MLLT10: variants seen among roughly 807,000 people sequenced by gnomAD.
MLLT10 encodes MLLT10 histone lysine methyltransferase DOT1L cofactor.
Under a neutral mutation model 129.1 loss-of-function variants are expected in MLLT10, and 30 were observed. The observed-to-expected ratio is 0.23, with a 90% CI of 0.17 to 0.32. The LOEUF is 0.32. Among genes scored for constraint, MLLT10 ranks in the 10% least tolerant of loss-of-function variants. The probability of loss-of-function intolerance (pLI) is 1.00; values close to 1 mark genes in which losing one functional copy is unlikely to be tolerated. For missense variants in MLLT10, 1,119 were observed against 1,268.3 expected, an observed-to-expected ratio of 0.88 and a Z score of 1.79; for synonymous variants, 490 against 446.4, an observed-to-expected ratio of 1.10 and a Z score of -1.23.
intron 5 of MLLT10, among the ~76,000 whole-genome samples, chr10:21,609,542 T>C (rs1249108189): frequency 3.9e-5 from 6 of 152,180 alleles, no homozygotes; most frequent in African/African-American, 9.7e-5. Context: ...TTTCTCCCCA[T>C]TGGGTGCAGC....
intron 11 of MLLT10, among the ~76,000 whole-genome samples, chr10:21,674,170 A>G (rs1391681081): frequency 6.6e-6 from 1 of 152,116 alleles, no homozygotes; most frequent in African/African-American, 2.4e-5. Flanking sequence ...AGGCTAAACA[A>G]TCTATTGGTC....
chr10:21,645,970 C>T (rs563163088), intron 8 of MLLT10, among the ~76,000 whole-genome samples: 6 of 152,134 alleles, frequency 3.9e-5, no homozygotes, highest in Admixed American at 2.0e-4. Flanking sequence ...TTTGGGAGGC[C>T]GAGGCAGGCA....
At chr10:21,589,448 T>C (rs1277033606) in intron 4 of MLLT10, among the ~76,000 whole-genome samples, 1 of 151,962 alleles carries the variant, frequency 6.6e-6, no homozygotes, top group Non-Finnish European at 1.5e-5. Context: ...CTGCCTCAGC[T>C]TTGAGAGTGT....
intron 3 of MLLT10, among the ~76,000 whole-genome samples, chr10:21,577,492 C>G (rs1165528386): frequency 1.5e-5 from 2 of 136,574 alleles, no homozygotes. Flanking sequence ...AGACGGAAGT[C>G]TCCCTCTGTT....
At chr10:21,561,703 C>T (rs981676225) in intron 3 of MLLT10, among the ~76,000 whole-genome samples, 1 of 152,240 alleles carries the variant, frequency 6.6e-6, no homozygotes, top group Non-Finnish European at 1.5e-5. Context: ...CTCTTTCCCA[C>T]TGAATGATAC....
At chr10:21,738,334 C>T in intron 21 of MLLT10, 3 of 1,139,332 alleles carry the variant, frequency 2.6e-6, no homozygotes, top group Non-Finnish European at 2.3e-6. Flanking sequence ...GTTGCCTCAT[C>T]TTAATATGAG....
At chr10:21,599,218 T>C (rs1589158672) in intron 5 of MLLT10, among the ~76,000 whole-genome samples, 1 of 149,630 alleles carries the variant, frequency 6.7e-6, no homozygotes, top group African/African-American at 2.5e-5. Flanking sequence ...AGTGGACGCC[T>C]GTAATCCCAG....
intron 16 of MLLT10, among the ~76,000 whole-genome samples, chr10:21,728,753 C>T (rs1268628567): frequency 2.0e-5 from 3 of 151,866 alleles, no homozygotes; most frequent in Non-Finnish European, 2.9e-5. Flanking sequence ...TTTGGTCAGG[C>T]GTGGTGGCTC....
chr10:21,626,034 T>G, intron 8 of MLLT10: 1 of 1,277,216 alleles, frequency 7.8e-7, no homozygotes, highest in Non-Finnish European at 1.1e-6. Flanking sequence ...ACATTCAGAG[T>G]ATAATCATTT....
chr10:21,648,532 C>T (rs1012079625), intron 8 of MLLT10, among the ~76,000 whole-genome samples: 1 of 151,982 alleles, frequency 6.6e-6, no homozygotes, highest in African/African-American at 2.4e-5. Context: ...AGAACAAAGC[C>T]CAGAATGGGA....
At chr10:21,591,163 T>G (rs1295631942) in intron 4 of MLLT10, among the ~76,000 whole-genome samples, 1 of 152,184 alleles carries the variant, frequency 6.6e-6, no homozygotes, top group Non-Finnish European at 1.5e-5. Flanking sequence ...GTTCAAGCGA[T>G]CCTCCTACCT....
chr10:21,690,093 T>G (rs1244033544), intron 13 of MLLT10, among the ~76,000 whole-genome samples: 2 of 152,008 alleles, frequency 1.3e-5, no homozygotes, highest in Non-Finnish European at 2.9e-5. Context: ...GGGTAGTAAC[T>G]GAAACTCTGA....
intron 3 of MLLT10, chr10:21,556,531 T>A (rs2130978324): frequency 7.0e-6 from 5 of 709,374 alleles, no homozygotes; most frequent in Non-Finnish European, 1.1e-5. Context: ...GAGTGTAGAT[T>A]TCTTCCATTT....
chr10:21,718,459 C>CT (rs997649812), intron 14 of MLLT10, among the ~76,000 whole-genome samples: 33 of 150,796 alleles, frequency 2.2e-4, no homozygotes, highest in East Asian at 5.8e-4. Flanking sequence ...AATGCAGGTG[C>CT]TTTTTTTTTG....
At chr10:21,544,810 A>G (rs2035812191) in intron 3 of MLLT10, among the ~76,000 whole-genome samples, 2 of 152,172 alleles carry the variant, frequency 1.3e-5, no homozygotes, top group Non-Finnish European at 2.9e-5. Flanking sequence ...AAGACTAAAG[A>G]AAGACCTGTT....
intron 13 of MLLT10, chr10:21,688,595 G>A: frequency 4.7e-6 from 7 of 1,490,476 alleles, no homozygotes; most frequent in Non-Finnish European, 6.5e-6. Flanking sequence ...TAATCCTATT[G>A]TAGCTTGGAA....
At chr10:21,557,369 A>G (rs1489596305) in intron 3 of MLLT10, among the ~76,000 whole-genome samples, 1 of 152,230 alleles carries the variant, frequency 6.6e-6, no homozygotes, top group African/African-American at 2.4e-5. Context: ...TTAATAATAA[A>G]GCATCAGGAA....
In MLLT10 at chr10:21,670,308, T is replaced by A. The variant is rs928249636; in HGVS notation, c.796-141T>A. On this transcript the variant is annotated intron_variant, in intron 9 of 22. Coordinates refer to ENST00000307729, the MANE Select transcript of MLLT10 (RefSeq NM_001195626.3). ...GACTTAAATTGTTTTTGGATGATTT[T>A]CTTAGGTGAACTGACTTATTTTTAG... 4 of 683,570 alleles carry A rather than the reference T, an allele frequency of 5.9e-6. No homozygotes were observed. The African/African-American group carries it at 7.3e-5, about 13-fold the overall frequency. 42.3% of individuals were successfully genotyped at this position (683,570 alleles called of 1,614,324 possible).
chr10:21,693,653 G>A (rs1046019262), intron 13 of MLLT10, among the ~76,000 whole-genome samples: 3 of 152,042 alleles, frequency 2.0e-5, no homozygotes, highest in Admixed American at 6.5e-5. Context: ...GAATTCATGC[G>A]TTTCACCGAT....
Sources: gnomAD v4.1 joint callset for allele counts (sites outside exome capture counted in the v4.1 genomes callset) on GRCh38, gnomAD v4.1.1 for gene constraint, MANE v1.5 for transcripts, NCBI Gene and HGNC (gene_info 2026-07-23, HGNC 2026-07-21) for gene names.